The following NAB2 variants were observed in gnomAD, a reference collection of about 807,000 sequenced individuals.
The protein encoded by NAB2 is NGFI-A-binding protein 2.
Under a neutral mutation model 44.2 loss-of-function variants are expected in NAB2, and 9 were observed. The observed-to-expected ratio is 0.20, with a 90% CI of 0.12 to 0.36. NAB2 has a LOEUF of 0.36. NAB2 is among the 10% of genes least tolerant of loss of function. The pLI, the probability that NAB2 is intolerant of heterozygous loss-of-function variation, is 1.00. For synonymous variants in NAB2, 342 were observed against 291.0 expected (o/e 1.18, Z -1.78); for missense variants, 514 against 709.0 (o/e 0.73, Z 3.12).
At chr12:57,092,702 T>C in intron 3 of NAB2, 121 bp downstream of exon 3, 1 of 1,413,676 alleles carries the variant, frequency 7.1e-7, no homozygotes, top group Non-Finnish European at 9.6e-7. Context: ...GTCCTGCTTT[T>C]GGCCAAGTCA....
In NAB2 at chr12:57,093,668, C is replaced by T. The variant is rs1240839555; in HGVS notation, c.1468+70C>T. On this transcript the variant is annotated intron_variant, in intron 6 of 6. Transcript: ENST00000300131. The stretch of plus-strand genomic sequence containing the variant: ...GGCCCCACACAGCAATTCTGGTGTC[C>T]TGGGGCCAGGTGGGAGGAAGAGGGA... The T allele has an allele frequency of 8.6e-6, 12 of 1,395,388 alleles. No homozygotes were observed. The East Asian group carries it at 2.9e-4, about 34-fold the overall frequency. The allele number at this position is 1,395,388 out of a possible 1,614,324, so 86.4% of individuals were successfully genotyped here.
Position 57,093,422 on chromosome 12 carries a change from C to T in NAB2, c.1292C>T (p.Pro431Leu). The change falls in exon 6 of 7, where the codon CCA becomes CTA. Residue 431 changes from proline (P) to leucine (L), a missense_variant. Physicochemically the swap from Pro to Leu is moderately conservative, Grantham distance 98. Around this residue, in one of 5 missense-constraint regions of NAB2, gnomAD observed 194 missense variants for 223.9 expected, o/e 0.87. Coordinates refer to ENST00000300131, the MANE Select transcript of NAB2 (RefSeq NM_005967.4). ...DGHLQAVGSC[P>L]RLTPPPADLP... ...ATGCCCACAGCTGTGGGGTCATGTC[C>T]AAGGCTGACGCCGCCCCCTGCTGAC... 1 of 1,582,186 alleles carries T rather than the reference C, an allele frequency of 6.3e-7. No individual in the cohort carries two copies. The highest frequency in any genetic ancestry group is 8.6e-7 in the Non-Finnish European group (1 of 1,165,548).
In NAB2 at chr12:57,094,763, G is replaced by C; in HGVS notation, c.*42G>C. ...TTCAGACCCAGGACCTCAGACTTCT[G>C]GCTCACACAGACCCCCACGCTCTCC... On this transcript the variant is annotated 3_prime_UTR_variant, in exon 7 of 7. Transcript: ENST00000300131. 6.8e-7 allele frequency: 1 copy of C among 1,477,090 alleles called. No individual in the cohort carries two copies. The highest frequency in any genetic ancestry group is 9.2e-7 in the Non-Finnish European group (1 of 1,087,920). 91.5% of individuals were successfully genotyped at this position (1,477,090 alleles called of 1,614,324 possible).
At chr12:57,092,285 A>G in intron 2 of NAB2, 163 bp from the exon 3 acceptor site, 5 of 1,146,510 alleles carry the variant, frequency 4.4e-6, no homozygotes, top group Non-Finnish European at 6.1e-6. Flanking sequence ...GTGGGTGCTG[A>G]CCTCTGTCTT....
intron 6 of NAB2, among the ~76,000 whole-genome samples, chr12:57,094,258 G>A (rs944895965): frequency 7.5e-5 from 11 of 147,242 alleles, no homozygotes; most frequent in Admixed American, 1.4e-4. Context: ...GGCCTGGGAG[G>A]GGGCCAGGGA....
chr12:57,094,801 T>G lies in NAB2; in HGVS notation c.*80T>G, dbSNP rs1187862160. Reference sequence around the variant, plus strand: ...CCCCACGCTCTCCATCCCCGGAATCTAGTCACAACCCTGGATCCTTCCTCT... The same window carrying G: ...CCCCACGCTCTCCATCCCCGGAATCGAGTCACAACCCTGGATCCTTCCTCT... On this transcript the variant is annotated 3_prime_UTR_variant, in exon 7 of 7. Transcript: ENST00000300131. 10 of 1,186,986 alleles carry G rather than the reference T, an allele frequency of 8.4e-6. No individual in the cohort carries two copies. Among genetic ancestry groups the G allele is most frequent in the Non-Finnish European group, 1.2e-5 (10 of 844,196 alleles). The allele number at this position is 1,186,986 out of a possible 1,614,324, so 73.5% of individuals were successfully genotyped here.
intron 6 of NAB2, among the ~76,000 whole-genome samples, chr12:57,094,191 TC>T (rs1014295556): frequency 6.8e-6 from 1 of 147,956 alleles, no homozygotes; most frequent in African/African-American, 2.5e-5. Context: ...CTTCCTGTTC[TC>T]CCTCTGATTT....
Position 57,091,724 on chromosome 12 carries a change from G to A in NAB2, c.683G>A (p.Gly228Asp). The A allele has an allele frequency of 3.1e-6, 5 of 1,614,022 alleles. No individual in the cohort carries two copies. Among genetic ancestry groups the A allele is most frequent in the Non-Finnish European group, 4.2e-6 (5 of 1,179,904 alleles). ...EGTGAGGLAA[G>D]GTGGGPDRLE... ...ACTGGGGCTGGGGGGCTGGCAGCAG[G>A]TGGGACTGGGGGTGGTCCAGACCGA... Residue 228 changes from glycine (G) to aspartate (D), a missense_variant, in exon 2 of 7, where the codon GGT becomes GAT. Physicochemically the swap from Gly to Asp is moderately conservative, Grantham distance 94. Coordinates refer to ENST00000300131, the MANE Select transcript of NAB2 (RefSeq NM_005967.4). This position sits in a 1 kb window ranked among gnomAD's most constrained non-coding sequence, Gnocchi z 7.3.
At chr12:57,093,335 G>A in intron 5 of NAB2, 72 bp from the exon 6 acceptor site, 1 of 1,472,308 alleles carries the variant, frequency 6.8e-7, no homozygotes, top group Non-Finnish European at 9.0e-7. Context: ...GGGCCTGTGG[G>A]CTGGCTATGT....
rs1394572622 is a variant in NAB2, at chr12:57,094,795, G to A, written c.*74G>A. ...ACAGACCCCCACGCTCTCCATCCCC[G>A]GAATCTAGTCACAACCCTGGATCCT... On this transcript the variant is annotated 3_prime_UTR_variant, in exon 7 of 7. Coordinates refer to ENST00000300131, the MANE Select transcript of NAB2 (RefSeq NM_005967.4). The A allele has an allele frequency of 8.8e-6, 11 of 1,251,830 alleles. No individual in the cohort carries two copies. Among genetic ancestry groups the A allele is most frequent in the African/African-American group, 3.0e-5 (2 of 67,024 alleles). 77.5% of individuals were successfully genotyped at this position (1,251,830 alleles called of 1,614,324 possible). A position where few individuals can be genotyped will look rare whatever the true frequency, so the allele number is the denominator to read the frequency against.
In NAB2 at chr12:57,092,066, T is replaced by C. The variant is rs1443930109; in HGVS notation, c.957+68T>C. Reference sequence around the variant, plus strand: ...GTCTCCAGCCGCTTACCTCTGCGAGTTTCTACAGTCTCCGACTATCTTTCA... The same window carrying C: ...GTCTCCAGCCGCTTACCTCTGCGAGCTTCTACAGTCTCCGACTATCTTTCA... On this transcript the variant is annotated intron_variant, in intron 2 of 6. Coordinates refer to ENST00000300131, the MANE Select transcript of NAB2 (RefSeq NM_005967.4). 8 of 1,536,730 alleles carry C rather than the reference T, an allele frequency of 5.2e-6. No individual in the cohort carries two copies. In the Admixed American group the frequency reaches 7.9e-5, roughly 15 times the overall value.
chr12:57,092,859 C>T (rs1352344984), intron 3 of NAB2, 58 bp from the exon 4 acceptor site: 2 of 1,594,206 alleles, frequency 1.3e-6, no homozygotes, highest in East Asian at 2.2e-5. Context: ...GTTCTGTGCT[C>T]TGCCAGTCGA....
Position 57,094,766 on chromosome 12 carries a change from T to C in NAB2, c.*45T>C. The C allele has an allele frequency of 6.8e-7, 1 of 1,469,736 alleles. No homozygotes were observed. Among genetic ancestry groups the C allele is most frequent in the Non-Finnish European group, 9.2e-7 (1 of 1,081,774 alleles). The allele number at this position is 1,469,736 out of a possible 1,614,324, so 91.0% of individuals were successfully genotyped here. On this transcript the variant is annotated 3_prime_UTR_variant, in exon 7 of 7. Transcript: ENST00000300131. ...AGACCCAGGACCTCAGACTTCTGGC[T>C]CACACAGACCCCCACGCTCTCCATC...
rs2033118269 is a variant in NAB2, at chr12:57,089,296, G to A, written c.25G>A (p.Ala9Thr). The A allele has an allele frequency of 6.3e-7, 1 of 1,578,018 alleles. No homozygotes were observed. Among genetic ancestry groups the A allele is most frequent in the Non-Finnish European group, 8.6e-7 (1 of 1,162,276 alleles). The part of the protein sequence containing the change: MHRAPSPT[A>T]EQPPGGGDSA... ...CATGCACAGAGCGCCTTCCCCCACAGCCGAGCAGCCGCCGGGCGGAGGGGA... is the reference window on the plus strand; with the variant it reads ...CATGCACAGAGCGCCTTCCCCCACAACCGAGCAGCCGCCGGGCGGAGGGGA... The change falls in exon 1 of 7, where the codon GCC becomes ACC. Residue 9 changes from alanine to threonine, a missense_variant. By Grantham distance (58) the Ala-to-Thr change is moderately conservative. Around this residue, in one of 5 missense-constraint regions of NAB2, gnomAD observed 56 missense variants for 45.5 expected, o/e 1.23. Coordinates refer to ENST00000300131, the MANE Select transcript of NAB2 (RefSeq NM_005967.4).
chr12:57,092,743 C>G (rs959800682), intron 3 of NAB2, among the ~76,000 whole-genome samples, 162 bp downstream of exon 3: 4 of 152,238 alleles, frequency 2.6e-5, no homozygotes, highest in African/African-American at 9.6e-5. Flanking sequence ...CTCCTCCCAT[C>G]CATGTCGGGT....
chr12:57,094,156 C>T (rs2033274431), intron 6 of NAB2, among the ~76,000 whole-genome samples: 1 of 151,180 alleles, frequency 6.6e-6, no homozygotes, highest in African/African-American at 2.4e-5. Context: ...GGGGGCTCTT[C>T]TTGAGGGAGG....
At position 57,089,364 on chromosome 12, in the gene NAB2, C is replaced by A; in HGVS notation, c.83+10C>A. On this transcript the variant is annotated intron_variant, in intron 1 of 6. Transcript: ENST00000300131. ...TGCAGCCCAGACTCAAGTTAGTGGGCAAAGGGAGGCAGCGGGGAGTGGAGA... is the reference window on the plus strand; with the variant it reads ...TGCAGCCCAGACTCAAGTTAGTGGGAAAAGGGAGGCAGCGGGGAGTGGAGA... 6.6e-7 allele frequency: 1 copy of A among 1,522,678 alleles called. No individual in the cohort carries two copies. Among genetic ancestry groups the A allele is most frequent in the East Asian group, 2.5e-5 (1 of 40,324 alleles). The allele number at this position is 1,522,678 out of a possible 1,614,324, so 94.3% of individuals were successfully genotyped here.
intron 1 of NAB2, 111 bp downstream of exon 1, chr12:57,089,465 T>TGGG: frequency 9.4e-6 from 1 of 106,198 alleles, no homozygotes; most frequent in African/African-American, 8.3e-5. Context: ...AGGACGGGGG[T>TGGG]GGGGGGTGGA....
At position 57,093,304 on chromosome 12, in the gene NAB2, C is replaced by CTGGCTGGAG. The variant is rs2033236198; in HGVS notation, c.1277-102_1277-94dup. On this transcript the variant is annotated intron_variant, in intron 5 of 6. Coordinates refer to ENST00000300131, the MANE Select transcript of NAB2 (RefSeq NM_005967.4). The stretch of plus-strand genomic sequence containing the variant: ...AGTGCCTGAAACAGGGTTGGGAGAC[C>CTGGCTGGAG]TGGCTGGAGGGGGGGCAGAAGGGCC... 4.8e-6 allele frequency: 7 copies of CTGGCTGGAG among 1,444,332 alleles called. No individual in the cohort carries two copies. In the East Asian group the frequency reaches 1.7e-4, roughly 35 times the overall value. The allele number at this position is 1,444,332 out of a possible 1,614,324, so 89.5% of individuals were successfully genotyped here.
Sources: gnomAD v4.1 joint callset for allele counts (sites outside exome capture counted in the v4.1 genomes callset) on GRCh38, gnomAD v4.1.1 for gene constraint, gnomAD v4.1.1 regional missense constraint, Gnocchi (gnomAD v3.1) non-coding constraint, MANE v1.5 for transcripts, NCBI Gene and HGNC (gene_info 2026-07-23, HGNC 2026-07-21) for gene names.